Variants in COL7A1 observed in about 807,000 individuals in gnomAD.
COL7A1 encodes collagen type VII alpha 1 chain.
Under a neutral mutation model 456.2 loss-of-function variants are expected in COL7A1, and 296 were observed. The observed-to-expected ratio is 0.65, with a 90% confidence interval of 0.59 to 0.71. COL7A1 has a LOEUF of 0.71. Ranked by LOEUF, COL7A1 falls within the 30% of genes least tolerant of loss-of-function variation. The pLI, the probability that COL7A1 is intolerant of heterozygous loss-of-function variation, is 0.00. For synonymous variants in COL7A1, 1,464 were observed against 1,525.9 expected (o/e 0.96, Z 0.95); for missense variants, 3,441 against 4,017.2 (o/e 0.86, Z 3.88).
rs145497414 is a variant in COL7A1 at position 48,592,452 on chromosome 3, G to A, written c.992C>T (p.Pro331Leu). The change falls in exon 9 of 119, where the codon CCG becomes CTG. Residue 331 changes from proline to leucine, a missense_variant. By Grantham distance (98) the Pro-to-Leu change is moderately conservative. Transcript: ENST00000681320. This position sits in a 1 kb window ranked among gnomAD's most constrained non-coding sequence, Gnocchi z 7.6. ...GTARTTALEG[P>L]ELTIQNTTAH... Reference sequence around the variant, plus strand: ...TGTGGTATTCTGGATGGTCAGTTCCGGCCCTTCTAGGGCAGCTGGGGGAGA... The same window carrying A: ...TGTGGTATTCTGGATGGTCAGTTCCAGCCCTTCTAGGGCAGCTGGGGGAGA... 46 of 1,613,660 alleles carry A rather than the reference G, an allele frequency of 2.9e-5. No homozygotes were observed. In the South Asian group the frequency reaches 3.1e-4, roughly 11 times the overall value.
Position 48,580,454 on chromosome 3 carries a change from G to T in COL7A1, c.5053-110C>A. ...GTTGGTAGCCTTCAGATGCGTGTGT[G>T]CAGGGGTCAAAGGAAGTGAAGATTG... On this transcript the variant is annotated intron_variant, in intron 55 of 118. Transcript: ENST00000681320. This position sits in a 1 kb window ranked among gnomAD's most constrained non-coding sequence, Gnocchi z 4.5. The T allele has an allele frequency of 6.8e-7, 1 of 1,473,802 alleles. No homozygotes were observed. The highest frequency in any genetic ancestry group is 9.4e-7 in the Non-Finnish European group (1 of 1,067,434). 91.3% of individuals were successfully genotyped at this position (1,473,802 alleles called of 1,614,324 possible).
chr3:48,580,180 G>A lies in COL7A1; in HGVS notation c.5097+120C>T, dbSNP rs2044640881. On this transcript the variant is annotated intron_variant, in intron 56 of 118. Transcript: ENST00000681320. This position sits in a 1 kb window ranked among gnomAD's most constrained non-coding sequence, Gnocchi z 4.5. ...GCACCCCAATGCCAGCCCCCAGCAG[G>A]CATGGGTGGCCATCCATGCTTCCCA... 1.3e-6 allele frequency: 2 copies of A among 1,533,262 alleles called. No individual in the cohort carries two copies. The highest frequency in any genetic ancestry group is 1.8e-6 in the Non-Finnish European group (2 of 1,119,564). 95.0% of individuals were successfully genotyped at this position (1,533,262 alleles called of 1,614,324 possible). A position where few individuals can be genotyped will look rare whatever the true frequency, so the allele number is the denominator to read the frequency against.
chr3:48,573,558 C>T lies in COL7A1; in HGVS notation c.6574-1G>A. 6.2e-7 allele frequency: 1 copy of T among 1,614,062 alleles called. No individual in the cohort carries two copies. Among genetic ancestry groups the T allele is most frequent in the Non-Finnish European group, 8.5e-7 (1 of 1,179,996 alleles). On this transcript the variant is annotated splice_acceptor_variant, in intron 82 of 118. Transcript: ENST00000681320. LOFTEE classifies it high-confidence loss of function. This position sits in a 1 kb window ranked among gnomAD's most constrained non-coding sequence, Gnocchi z 5.5. ...GGGGTCCTGCAGGGCCAGCAAGACC[C>T]TAGAGAAAAGGGTCAAGGGCAGGGA... is the stretch of plus-strand genomic sequence containing the variant.
In COL7A1 at chr3:48,574,731, TGA is replaced by T. The variant is rs2044171871; in HGVS notation, c.6349-12_6349-11del. ...TGCTGCCCGGCTCCCCCTGTGGGGA[TGA>T]GATGTCAAGTCAGTCCCTAGTGCCA... On this transcript the variant is annotated splice_polypyrimidine_tract_variant and intron_variant, in intron 77 of 118. Transcript: ENST00000681320. The surrounding 1 kb of genome is among the most constrained non-coding windows in gnomAD (Gnocchi z 5.0). The T allele has an allele frequency of 6.2e-7, 1 of 1,611,820 alleles. No individual in the cohort carries two copies. The highest frequency in any genetic ancestry group is 8.5e-7 in the Non-Finnish European group (1 of 1,178,420).
chr3:48,578,964 G>A lies in COL7A1; in HGVS notation c.5389-10C>T, dbSNP rs772069740. 6.2e-7 allele frequency: 1 copy of A among 1,613,850 alleles called. No individual in the cohort carries two copies. Among genetic ancestry groups the A allele is most frequent in the African/African-American group, 1.3e-5 (1 of 74,912 alleles). On this transcript the variant is annotated splice_polypyrimidine_tract_variant and intron_variant, in intron 62 of 118. Transcript: ENST00000681320. This position sits in a 1 kb window ranked among gnomAD's most constrained non-coding sequence, Gnocchi z 4.7. ...CTTTGCCTGCAGCACCCTGAGGAGA[G>A]ACTCAAAGTCAGTTCATCATGGTCA...
At chr3:48,576,831 TC>T in intron 67 of COL7A1, 52 bp downstream of exon 67, 1 of 1,613,574 alleles carries the variant, frequency 6.2e-7, no homozygotes, top group Non-Finnish European at 8.5e-7. Flanking sequence ...GGAGTCATAT[TC>T]CCCCAGGGTC....
In COL7A1 at chr3:48,583,670, G is replaced by A. The variant is rs552129703; in HGVS notation, c.4341+48C>T. ...CGAAGGGAGGCCCTGCCCCCAGCACGCAGCCTCCCACCCCAGAACTGGGAC... is the reference window on the plus strand; with the variant it reads ...CGAAGGGAGGCCCTGCCCCCAGCACACAGCCTCCCACCCCAGAACTGGGAC... On this transcript the variant is annotated intron_variant, in intron 40 of 118. Transcript: ENST00000681320. This position sits in a 1 kb window ranked among gnomAD's most constrained non-coding sequence, Gnocchi z 5.1. 1.4e-5 allele frequency: 22 copies of A among 1,612,660 alleles called. No homozygotes were observed. The Middle Eastern group carries it at 5.0e-4, about 36-fold the overall frequency.
rs2045135431 is a variant in COL7A1, at chr3:48,585,023, A to G, written c.3975+13T>C. 1 of 1,613,372 alleles carries G rather than the reference A, an allele frequency of 6.2e-7. No homozygotes were observed. Among genetic ancestry groups the G allele is most frequent in the Non-Finnish European group, 8.5e-7 (1 of 1,179,932 alleles). ...CAGCGCCCACCCTGACCTGCAGGAC[A>G]AGGCTTGCTCACCTTTAGGCCAGGG... is the stretch of plus-strand genomic sequence containing the variant. On this transcript the variant is annotated intron_variant, in intron 33 of 118. Coordinates refer to ENST00000681320, the MANE Select transcript of COL7A1 (RefSeq NM_000094.4). This position sits in a 1 kb window ranked among gnomAD's most constrained non-coding sequence, Gnocchi z 4.5.
chr3:48,564,487 G>C lies in COL7A1; in HGVS notation c.8819-65C>G, dbSNP rs2043517487. On this transcript the variant is annotated intron_variant, in intron 118 of 118. Coordinates refer to ENST00000681320, the MANE Select transcript of COL7A1 (RefSeq NM_000094.4). The surrounding 1 kb of genome is among the most constrained non-coding windows in gnomAD (Gnocchi z 6.0). ...CCTTCCCCGGAGACGCTCAGGCAGA[G>C]GCACCGCCAAGGGGAGGGAGCGGAG... 2 of 1,597,740 alleles carry C rather than the reference G, an allele frequency of 1.3e-6. No individual in the cohort carries two copies. Among genetic ancestry groups the C allele is most frequent in the Admixed American group, 1.7e-5 (1 of 59,348 alleles).
Position 48,586,144 on chromosome 3 carries a change from T to A in COL7A1, c.3653A>T (p.Asp1218Val), listed in dbSNP as rs371387134. The change falls in exon 28 of 119, where the codon GAT (aspartate) becomes GTT (valine). Residue 1218 changes from aspartate to valine, a missense_variant. Transcript: ENST00000681320. The surrounding 1 kb of genome is among the most constrained non-coding windows in gnomAD (Gnocchi z 5.1). ...GACTGCCTGGTCCAGGCTTGGCCCA[T>A]CATCCACGGCGAAGAAGGTCTGGAC... Reference protein sequence around the residue: ...DSVQTFFAVDDGPSLDQAVSG... With the variant: ...DSVQTFFAVDVGPSLDQAVSG... 6.2e-7 allele frequency: 1 copy of A among 1,613,242 alleles called. No homozygotes were observed. The highest frequency in any genetic ancestry group is 8.5e-7 in the Non-Finnish European group (1 of 1,180,036).
In COL7A1 at chr3:48,578,236, C is replaced by T. The variant is rs1157407696; in HGVS notation, c.5532+85G>A. The T allele has an allele frequency of 3.3e-6, 5 of 1,507,164 alleles. No individual in the cohort carries two copies. The African/African-American group carries it at 5.5e-5, about 17-fold the overall frequency. The allele number at this position is 1,507,164 out of a possible 1,614,324, so 93.4% of individuals were successfully genotyped here. A position where few individuals can be genotyped will look rare whatever the true frequency, so the allele number is the denominator to read the frequency against. On this transcript the variant is annotated intron_variant, in intron 65 of 118. Transcript: ENST00000681320. This position sits in a 1 kb window ranked among gnomAD's most constrained non-coding sequence, Gnocchi z 4.7. Reference sequence around the variant, plus strand: ...AGGATGCATGTGTCTACACGTGTGCCTCATGTGTTGCTACAGATCTTGGCT... The same window carrying T: ...AGGATGCATGTGTCTACACGTGTGCTTCATGTGTTGCTACAGATCTTGGCT...
chr3:48,581,194 C>T lies in COL7A1; in HGVS notation c.4900-37G>A, dbSNP rs755662599. On this transcript the variant is annotated intron_variant, in intron 52 of 118. Transcript: ENST00000681320. This position sits in a 1 kb window ranked among gnomAD's most constrained non-coding sequence, Gnocchi z 5.8. ...GAGAGTCAGCCCTGGTTCCAAGAAC[C>T]CCCATGATGCTGGCAACAGCCCTAC... 5 of 1,612,874 alleles carry T rather than the reference C, an allele frequency of 3.1e-6. No individual in the cohort carries two copies. The South Asian group carries it at 5.5e-5, about 18-fold the overall frequency.
chr3:48,576,866 G>C lies in COL7A1; in HGVS notation c.5604+18C>G. 1.2e-6 allele frequency: 2 copies of C among 1,614,062 alleles called. No individual in the cohort carries two copies. Among genetic ancestry groups the C allele is most frequent in the Non-Finnish European group, 1.7e-6 (2 of 1,180,022 alleles). On this transcript the variant is annotated intron_variant, in intron 67 of 118. Coordinates refer to ENST00000681320, the MANE Select transcript of COL7A1 (RefSeq NM_000094.4). ...TCAGGGTCAGGGGTCAGAGGTTGCA[G>C]AAAACTCCAATACTCACTTCTCTCC...
chr3:48,578,579 G>A lies in COL7A1; in HGVS notation c.5425-64C>T. On this transcript the variant is annotated intron_variant, in intron 63 of 118. Transcript: ENST00000681320. The surrounding 1 kb of genome is among the most constrained non-coding windows in gnomAD (Gnocchi z 4.7). ...GATATCCCTTGGGGCACACCCCATGGACTAAGAGGACCCCAAAAAGATCTC... is the reference window on the plus strand; with the variant it reads ...GATATCCCTTGGGGCACACCCCATGAACTAAGAGGACCCCAAAAAGATCTC... 6.4e-7 allele frequency: 1 copy of A among 1,556,494 alleles called. No homozygotes were observed. Among genetic ancestry groups the A allele is most frequent in the South Asian group, 1.1e-5 (1 of 89,566 alleles).
In COL7A1 at chr3:48,574,911, C is replaced by CAG. The variant is rs2044184141; in HGVS notation, c.6280-47_6280-46insCT. ...GGGAGAGATGTCTCTGTCATAGAGGCATGGGGGAGTCATCACAGATCTCAG... is the reference window on the plus strand; with the variant it reads ...GGGAGAGATGTCTCTGTCATAGAGGCAGATGGGGGAGTCATCACAGATCTCAG... On this transcript the variant is annotated intron_variant, in intron 76 of 118. Transcript: ENST00000681320. This position sits in a 1 kb window ranked among gnomAD's most constrained non-coding sequence, Gnocchi z 5.0. The CAG allele has an allele frequency of 6.2e-7, 1 of 1,608,138 alleles. No homozygotes were observed. Among genetic ancestry groups the CAG allele is most frequent in the Non-Finnish European group, 8.5e-7 (1 of 1,175,600 alleles).
chr3:48,567,997 T>C lies in COL7A1; in HGVS notation c.7875+93A>G. On this transcript the variant is annotated intron_variant, in intron 106 of 118. Transcript: ENST00000681320. The surrounding 1 kb of genome is among the most constrained non-coding windows in gnomAD (Gnocchi z 4.3). ...AACAGGCCTCAGCTACTCCAACCTC[T>C]GACCCAGTGCCCTAATATCTGACCC... is the stretch of plus-strand genomic sequence containing the variant. The C allele has an allele frequency of 6.3e-7, 1 of 1,599,704 alleles. No homozygotes were observed. The highest frequency in any genetic ancestry group is 8.6e-7 in the Non-Finnish European group (1 of 1,167,234).
Position 48,587,726 on chromosome 3 carries a change from T to A in COL7A1, c.2857+67A>T, listed in dbSNP as rs2045375263. The stretch of plus-strand genomic sequence containing the variant: ...GGGGTACAGGAGGAGTCACTCAGAG[T>A]CGGGGTGCAGGAAGTCAGGGTGGGT... On this transcript the variant is annotated intron_variant, in intron 22 of 118. Coordinates refer to ENST00000681320, the MANE Select transcript of COL7A1 (RefSeq NM_000094.4). This position sits in a 1 kb window ranked among gnomAD's most constrained non-coding sequence, Gnocchi z 6.1. 1.2e-6 allele frequency: 2 copies of A among 1,611,104 alleles called. No individual in the cohort carries two copies. Among genetic ancestry groups the A allele is most frequent in the Non-Finnish European group, 1.7e-6 (2 of 1,178,446 alleles).
rs374485093 is a variant in COL7A1, at chr3:48,580,812, C to T, written c.4980+70G>A. Reference sequence around the variant, plus strand: ...AGGGACTCCCATCACCCCTTACCCCCCTCAGCCTTTCCTATCACCTTCATG... The same window carrying T: ...AGGGACTCCCATCACCCCTTACCCCTCTCAGCCTTTCCTATCACCTTCATG... On this transcript the variant is annotated intron_variant, in intron 54 of 118. Coordinates refer to ENST00000681320, the MANE Select transcript of COL7A1 (RefSeq NM_000094.4). This position sits in a 1 kb window ranked among gnomAD's most constrained non-coding sequence, Gnocchi z 4.5. 404 of 1,602,014 alleles carry T rather than the reference C, an allele frequency of 2.5e-4. No homozygotes were observed. The highest frequency in any genetic ancestry group is 3.3e-4 in the Middle Eastern group (2 of 6,028).
rs376627980 is a variant in COL7A1 at position 48,590,618 on chromosome 3, C to T, written c.1781-34G>A. The T allele has an allele frequency of 4.9e-5, 79 of 1,613,962 alleles. No homozygotes were observed. Among genetic ancestry groups the T allele is most frequent in the Non-Finnish European group, 2.9e-5 (34 of 1,180,026 alleles). On this transcript the variant is annotated intron_variant, in intron 14 of 118. Transcript: ENST00000681320. This position sits in a 1 kb window ranked among gnomAD's most constrained non-coding sequence, Gnocchi z 4.6. ...TACAGACAGAAGTCAGAAGTCAGAA[C>T]CAGGACCAGAGTGAGGCAGGCAGCT...
Sources: gnomAD v4.1 joint callset for allele counts on GRCh38, gnomAD v4.1.1 for gene constraint, Gnocchi (gnomAD v3.1) non-coding constraint, MANE v1.5 for transcripts, NCBI Gene and HGNC (gene_info 2026-07-23, HGNC 2026-07-21) for gene names.